DPF3: variants seen among roughly 807,000 people sequenced by gnomAD.
DPF3 encodes double PHD fingers 3.
Under a neutral mutation model 56.8 loss-of-function variants are expected in DPF3, and 18 were observed. The observed-to-expected ratio is 0.32, with a 90% confidence interval of 0.22 to 0.47. The LOEUF is 0.47. Ranked by LOEUF, DPF3 falls within the 20% of genes least tolerant of loss-of-function variation. The pLI is 1.00. For missense variants in DPF3, 403 were observed against 488.8 expected (o/e 0.82, Z 1.65); for synonymous variants, 188 against 180.2 (o/e 1.04, Z -0.35).
At chr14:72,705,760 T>G (rs1383879759) in intron 6 of DPF3, among the ~76,000 whole-genome samples, 2 of 152,216 alleles carry the variant, frequency 1.3e-5, no homozygotes, top group Non-Finnish European at 2.9e-5. Flanking sequence ...TGCAAGTTGA[T>G]TCTGGCCTGG....
chr14:72,811,567 T>C (rs1883046761), intron 1 of DPF3, among the ~76,000 whole-genome samples: 1 of 152,134 alleles, frequency 6.6e-6, no homozygotes, highest in Non-Finnish European at 1.5e-5. Flanking sequence ...CCTAACAAAC[T>C]AATACACCCA....
intron 1 of DPF3, among the ~76,000 whole-genome samples, chr14:72,816,299 T>G (rs1883282183): frequency 6.6e-6 from 1 of 152,200 alleles, no homozygotes; most frequent in African/African-American, 2.4e-5. Context: ...CATCATAACC[T>G]TAATAAGATT....
chr14:72,641,213 G>A (rs1299142970), intron 8 of DPF3, among the ~76,000 whole-genome samples: 1 of 152,190 alleles, frequency 6.6e-6, no homozygotes, highest in Non-Finnish European at 1.5e-5. Flanking sequence ...AATCACTGAT[G>A]GCTTCAGCAG....
intron 1 of DPF3, among the ~76,000 whole-genome samples, chr14:72,848,919 T>C (rs1193740448): frequency 6.6e-6 from 1 of 152,216 alleles, no homozygotes; most frequent in African/African-American, 2.4e-5. Flanking sequence ...TTTGAGCACT[T>C]ACTGTGTGCC....
chr14:72,892,383 T>G, intron 1 of DPF3: 1 of 1,520,810 alleles, frequency 6.6e-7, no homozygotes, highest in Non-Finnish European at 8.8e-7. Flanking sequence ...TCAAGCGCAG[T>G]GTATCCGAGC....
At chr14:72,701,880 C>T (rs1206281574) in intron 6 of DPF3, among the ~76,000 whole-genome samples, 1 of 152,128 alleles carries the variant, frequency 6.6e-6, no homozygotes, top group Non-Finnish European at 1.5e-5. Context: ...CTGAGGACAC[C>T]GCTTCCTTCT....
intron 1 of DPF3, among the ~76,000 whole-genome samples, chr14:72,810,352 C>T (rs188866799): frequency 6.6e-6 from 1 of 152,114 alleles, no homozygotes; most frequent in African/African-American, 2.4e-5. Flanking sequence ...CAAGGGCCTG[C>T]GGTCCAGGAC....
intron 6 of DPF3, among the ~76,000 whole-genome samples, chr14:72,698,648 C>T (rs1296392936): frequency 1.3e-5 from 2 of 152,156 alleles, no homozygotes; most frequent in African/African-American, 4.8e-5. Context: ...GATCACACCA[C>T]GGCACTCTAG....
At chr14:72,674,393 A>G in intron 7 of DPF3, 25 bp from the exon 8 acceptor site, 1 of 1,607,354 alleles carries the variant, frequency 6.2e-7, no homozygotes, top group Non-Finnish European at 8.5e-7. Flanking sequence ...AAAACATTCC[A>G]ATTTCAGGCT....
At chr14:72,731,446 C>G (rs1013437152) in intron 4 of DPF3, 1 of 190,254 alleles carries the variant, frequency 5.3e-6, no homozygotes, top group Non-Finnish European at 1.1e-5. Context: ...GACGCTCCCA[C>G]GTTTCAAGCC....
At chr14:72,619,825 T>C in intron 10 of DPF3, 78 bp downstream of exon 10, 1 of 1,337,578 alleles carries the variant, frequency 7.5e-7, no homozygotes. Flanking sequence ...ATAAGGCCTG[T>C]ACCATAGTGA....
intron 6 of DPF3, among the ~76,000 whole-genome samples, chr14:72,710,666 T>C (rs951072779): frequency 1.3e-5 from 2 of 152,226 alleles, no homozygotes; most frequent in Non-Finnish European, 2.9e-5. Flanking sequence ...CGTCTAGGCA[T>C]TGCTGTGCAG....
intron 3 of DPF3, chr14:72,742,389 A>T (rs1890161372): frequency 6.6e-6 from 1 of 152,274 alleles, no homozygotes; most frequent in Admixed American, 6.5e-5. Context: ...GGAAGGACAC[A>T]GCCAGACTCC....
rs934599451 is a variant in DPF3, at chr14:72,639,007, C to T, written c.872-9271G>A. On this transcript the variant is annotated intron_variant, in intron 8 of 10. Coordinates refer to ENST00000556509, the MANE Select transcript of DPF3 (RefSeq NM_001280542.3). ...AATTTTTTGTATTTTTTAGTAGAGA[C>T]GGGGTTTCACCGTGTTAGCCAGGAT... Among the ~76,000 whole-genome samples, 11 of 152,138 alleles carry T rather than the reference C, an allele frequency of 7.2e-5. No individual in the cohort carries two copies. In the East Asian group the frequency reaches 1.5e-3, roughly 21 times the overall value.
At chr14:72,824,108 C>A (rs1043531345) in intron 1 of DPF3, among the ~76,000 whole-genome samples, 1 of 152,164 alleles carries the variant, frequency 6.6e-6, no homozygotes, top group Non-Finnish European at 1.5e-5. Flanking sequence ...AGCTTATCTA[C>A]CTTCTCCAAC....
chr14:72,619,435 T>C, intron 10 of DPF3, 68 bp from the exon 11 acceptor site: 1 of 1,480,534 alleles, frequency 6.8e-7, no homozygotes, highest in South Asian at 1.2e-5. Context: ...CCACTGGCCC[T>C]AACTTCTTGT....
intron 1 of DPF3, among the ~76,000 whole-genome samples, chr14:72,863,058 T>TTATATATATATA (rs58405648): frequency 1.0e-3 from 144 of 139,710 alleles, no homozygotes; most frequent in South Asian, 3.7e-3. Context: ...ATTATTCCAT[T>TTATATATATATA]TATATATATA....
intron 1 of DPF3, among the ~76,000 whole-genome samples, chr14:72,888,397 C>T (rs1254078404): frequency 6.6e-6 from 1 of 152,192 alleles, no homozygotes; most frequent in Non-Finnish European, 1.5e-5. Flanking sequence ...GATGCTAGCT[C>T]CATTCATCCA....
chr14:72,769,834 A>T (rs775907833), intron 2 of DPF3, among the ~76,000 whole-genome samples: 2 of 152,126 alleles, frequency 1.3e-5, no homozygotes, highest in African/African-American at 2.4e-5. Flanking sequence ...TCAAAAAAAT[A>T]ATTATTATTA....
Sources: gnomAD v4.1 joint callset for allele counts (sites outside exome capture counted in the v4.1 genomes callset) on GRCh38, gnomAD v4.1.1 for gene constraint, MANE v1.5 for transcripts, NCBI Gene and HGNC (gene_info 2026-07-23, HGNC 2026-07-21) for gene names.